The following RELN variants were observed in gnomAD, a reference collection of about 807,000 sequenced individuals.
The protein encoded by RELN is reelin.
Under a neutral mutation model 427.6 loss-of-function variants are expected in RELN, and 108 were observed. The observed-to-expected ratio is 0.25, with a 90% CI of 0.22 to 0.30. The LOEUF (loss-of-function observed/expected upper bound fraction) is 0.30, where lower values mean the gene tolerates loss of function less well. Ranked by LOEUF, RELN falls within the 10% of genes least tolerant of loss-of-function variation. The pLI is 1.00. For synonymous variants in RELN, 1,524 were observed against 1,513.4 expected, an observed-to-expected ratio of 1.01 and a Z score of -0.16; for missense variants, 3,715 against 4,302.8, an observed-to-expected ratio of 0.86 and a Z score of 3.82.
intron 11 of RELN, among the ~76,000 whole-genome samples, chr7:103,671,476 G>A (rs1354702466): frequency 1.3e-5 from 2 of 152,082 alleles, no homozygotes; most frequent in African/African-American, 4.8e-5. Flanking sequence ...ACCTAGACTA[G>A]AGATTGTTTA....
intron 51 of RELN, among the ~76,000 whole-genome samples, chr7:103,504,236 AAGTTAT>A (rs1260491490): frequency 6.6e-6 from 1 of 152,172 alleles, no homozygotes; most frequent in Non-Finnish European, 1.5e-5. Context: ...CTAAATTTCT[AAGTTAT>A]AGTTAGTATT....
rs9986828 is a variant in RELN, at chr7:103,904,716, C to A, written c.337+12359G>T. Among the ~76,000 whole-genome samples, 909 of 152,174 alleles carry A rather than the reference C, an allele frequency of 6.0e-3. 10 individuals carry two copies. The highest frequency in any genetic ancestry group is 0.021 in the African/African-American group (876 of 41,528). ...CTTTTTAACAAATGCTTATCATTTT[C>A]AATTTTATAAGAAATTATATGAGAA... On this transcript the variant is annotated intron_variant, in intron 2 of 64. Coordinates refer to ENST00000428762, the MANE Select transcript of RELN (RefSeq NM_005045.4).
chr7:103,693,419 G>A (rs1478253764), intron 10 of RELN, among the ~76,000 whole-genome samples: 5 of 151,890 alleles, frequency 3.3e-5, no homozygotes, highest in South Asian at 2.1e-4. Flanking sequence ...GCTAGATGAC[G>A]GGTTGATAGG....
At chr7:103,901,559 T>C (rs1157795325) in intron 2 of RELN, among the ~76,000 whole-genome samples, 1 of 152,052 alleles carries the variant, frequency 6.6e-6, no homozygotes, top group Non-Finnish European at 1.5e-5. Flanking sequence ...CTATGGAATA[T>C]TATTCAGTCA....
intron 5 of RELN, among the ~76,000 whole-genome samples, chr7:103,751,591 A>G (rs1270711779): frequency 3.5e-4 from 53 of 152,250 alleles, no homozygotes; most frequent in Non-Finnish European, 1.0e-4. Flanking sequence ...CTGAGCGATG[A>G]GATGCAGTGC....
chr7:103,555,260 T>C (rs145157944), intron 38 of RELN, among the ~76,000 whole-genome samples: 1 of 152,258 alleles, frequency 6.6e-6, no homozygotes, highest in African/African-American at 2.4e-5. Context: ...CAAGATTCCC[T>C]AGGTTGCTTC....
chr7:103,798,315 C>T lies in RELN; in HGVS notation c.474-21688G>A, dbSNP rs1387749991. 2.6e-5 allele frequency among the ~76,000 whole-genome samples: 4 copies of T among 152,190 alleles called. No individual in the cohort carries two copies. The East Asian group carries it at 7.7e-4, about 29-fold the overall frequency. On this transcript the variant is annotated intron_variant, in intron 3 of 64. Coordinates refer to ENST00000428762, the MANE Select transcript of RELN (RefSeq NM_005045.4). ...CTAGGTTCAAATCTTAGCTACAATA[C>T]TCCATAGTATTAAGATCTTTGGCAA...
chr7:103,623,803 C>T (rs1331644661), intron 20 of RELN, among the ~76,000 whole-genome samples: 2 of 152,156 alleles, frequency 1.3e-5, no homozygotes, highest in Non-Finnish European at 2.9e-5. Context: ...AATGTCCCTA[C>T]AGAAGCAGGT....
chr7:103,868,229 C>T (rs1205139791), intron 2 of RELN, among the ~76,000 whole-genome samples: 1 of 152,074 alleles, frequency 6.6e-6, no homozygotes. Context: ...TTTGGAAATT[C>T]AGCCTCAAAC....
chr7:103,821,189 G>A (rs1793005308), intron 3 of RELN, among the ~76,000 whole-genome samples: 1 of 152,144 alleles, frequency 6.6e-6, no homozygotes, highest in Non-Finnish European at 1.5e-5. Context: ...GGAGGTTTAT[G>A]GTTGTCCTTG....
chr7:103,534,494 AT>A (rs11309253), intron 46 of RELN, among the ~76,000 whole-genome samples: 87,981 of 150,140 alleles, frequency 0.59, 27,052 homozygotes, highest in Non-Finnish European at 0.68. Context: ...TTAATTTTTA[AT>A]TTTTTTTTTT....
At chr7:103,815,500 G>T (rs553931934) in intron 3 of RELN, among the ~76,000 whole-genome samples, 1 of 152,174 alleles carries the variant, frequency 6.6e-6, no homozygotes, top group South Asian at 2.1e-4. Flanking sequence ...TGTATTTCCT[G>T]CAATTTTATT....
At chr7:103,987,282 A>T (rs1797122620) in intron 1 of RELN, among the ~76,000 whole-genome samples, 1 of 152,150 alleles carries the variant, frequency 6.6e-6, no homozygotes, top group African/African-American at 2.4e-5. Flanking sequence ...TCTCCTCCGC[A>T]ATGTCCAACT....
At chr7:103,750,781 A>G (rs1042351876) in intron 5 of RELN, among the ~76,000 whole-genome samples, 4 of 152,206 alleles carry the variant, frequency 2.6e-5, no homozygotes, top group African/African-American at 9.6e-5. Context: ...ATTTATCTAT[A>G]TAAGTAAAAT....
At chr7:103,582,453 A>G (rs1031720579) in intron 28 of RELN, among the ~76,000 whole-genome samples, 2 of 152,256 alleles carry the variant, frequency 1.3e-5, no homozygotes, top group Admixed American at 6.5e-5. Flanking sequence ...TACAAAGAAC[A>G]CTAGCATATA....
intron 29 of RELN, among the ~76,000 whole-genome samples, chr7:103,574,536 C>A (rs1183337313): frequency 6.6e-6 from 1 of 152,198 alleles, no homozygotes; most frequent in East Asian, 1.9e-4. Context: ...ATTGGGAAGA[C>A]ATTGGGAACC....
intron 3 of RELN, among the ~76,000 whole-genome samples, chr7:103,791,408 C>G (rs574886411): frequency 6.6e-6 from 1 of 152,068 alleles, no homozygotes; most frequent in African/African-American, 2.4e-5. Context: ...ATGTATAGAT[C>G]AATAGAACAG....
intron 8 of RELN, among the ~76,000 whole-genome samples, chr7:103,701,871 G>A (rs148815495): frequency 1.3e-3 from 199 of 152,274 alleles, no homozygotes; most frequent in African/African-American, 4.7e-3. Flanking sequence ...TCACCCATCT[G>A]ATAGAGGAGC....
At chr7:103,673,563 A>AG (rs1833441682) in intron 11 of RELN, among the ~76,000 whole-genome samples, 2 of 152,154 alleles carry the variant, frequency 1.3e-5, no homozygotes, top group Non-Finnish European at 2.9e-5. Flanking sequence ...TTTCTTGAAT[A>AG]TCTCATCTTC....
Sources: allele counts gnomAD v4.1 joint callset (sites outside exome capture counted in the v4.1 genomes callset), GRCh38; gene constraint gnomAD v4.1.1; transcripts MANE v1.5; gene names NCBI Gene and HGNC (gene_info 2026-07-23, HGNC 2026-07-21).